Variants in PTBP1 observed in about 807,000 individuals in gnomAD.
The protein encoded by PTBP1 is polypyrimidine tract-binding protein 1.
Under a neutral mutation model 59.8 loss-of-function variants are expected in PTBP1, and 8 were observed. That is an observed-to-expected ratio of 0.13 (90% CI 0.08 to 0.24). The LOEUF (loss-of-function observed/expected upper bound fraction) is 0.24. Ranked by LOEUF, PTBP1 falls within the 10% of genes least tolerant of loss-of-function variation. The pLI is 1.00. For missense variants in PTBP1, 686 were observed against 767.0 expected, an observed-to-expected ratio of 0.89 and a Z score of 1.25; for synonymous variants, 490 against 320.7, an observed-to-expected ratio of 1.53 and a Z score of -5.64.
chr19:805,822 TC>T, intron 9 of PTBP1: 2 of 528,202 alleles, frequency 3.8e-6, no homozygotes, highest in South Asian at 2.1e-5. Flanking sequence ...GTGGTCTGGT[TC>T]CCTTCAAGCA....
chr19:801,974 T>C (rs544246420), intron 2 of PTBP1, among the ~76,000 whole-genome samples: 1 of 152,318 alleles, frequency 6.6e-6, no homozygotes, highest in African/African-American at 2.4e-5. Flanking sequence ...CTGGACACTG[T>C]TCATTCTCTG....
chr19:805,715 TC>T (rs944711197), intron 9 of PTBP1, 146 bp downstream of exon 9: 3 of 721,512 alleles, frequency 4.2e-6, no homozygotes, highest in Non-Finnish European at 7.3e-6. Flanking sequence ...GGACGCCACG[TC>T]CACAGAGCAG....
chr19:806,750 T>G (rs750723576), intron 10 of PTBP1, 194 bp downstream of exon 10: 19 of 510,194 alleles, frequency 3.7e-5, no homozygotes, highest in Middle Eastern at 4.9e-4. Context: ...TGAATTCACA[T>G]CTTGGTTCGC....
At chr19:810,395 C>T (rs189976283) in intron 13 of PTBP1, 148 bp from the exon 14 acceptor site, 2 of 629,676 alleles carry the variant, frequency 3.2e-6, no homozygotes, top group East Asian at 2.9e-5. Context: ...CCATTGTGGA[C>T]ATGATTTGAT....
In PTBP1 at chr19:812,287, A is replaced by C. The variant is rs540217903; in HGVS notation, c.*1461A>C. 1 of 155,872 alleles carries C rather than the reference A, an allele frequency of 6.4e-6. No individual in the cohort carries two copies. Among genetic ancestry groups the C allele is most frequent in the African/African-American group, 2.4e-5 (1 of 41,494 alleles). 9.7% of individuals were successfully genotyped at this position (155,872 alleles called of 1,614,324 possible). On this transcript the variant is annotated 3_prime_UTR_variant, in exon 15 of 15. Coordinates refer to ENST00000356948, the MANE Select transcript of PTBP1 (RefSeq NM_002819.5). ...GGCAGGTTGGCCAGTCTGTACCTGG[A>C]CTTCGAATAAATCTTCTGTATCCTC...
Position 810,585 on chromosome 19 carries a change from C to T in PTBP1, c.1506C>T (p.Ser502=). The T allele has an allele frequency of 1.2e-6, 2 of 1,613,802 alleles. No individual in the cohort carries two copies. Among genetic ancestry groups the T allele is most frequent in the Non-Finnish European group, 1.7e-6 (2 of 1,179,902 alleles). ...SEEDLKVLFS[S]NGGVVKGFKF... The stretch of plus-strand genomic sequence containing the variant: ...AGGATCTCAAGGTCCTGTTTTCCAG[C>T]AATGGGGGCGTCGTCAAAGGATTCA... Residue 502 remains serine, a synonymous_variant, in exon 14 of 15, where the codon AGC becomes AGT. Coordinates refer to ENST00000356948, the MANE Select transcript of PTBP1 (RefSeq NM_002819.5).
At chr19:797,868 C>T (rs944077256) in intron 1 of PTBP1, among the ~76,000 whole-genome samples, 1 of 148,868 alleles carries the variant, frequency 6.7e-6, no homozygotes, top group African/African-American at 2.4e-5. Context: ...CCGGATGGCC[C>T]TTCCCGCCTC....
intron 10 of PTBP1, chr19:807,551 C>G (rs1351369948): frequency 1.1e-5 from 4 of 372,086 alleles, no homozygotes; most frequent in Non-Finnish European, 1.4e-5. Context: ...TTTCTTTTCT[C>G]CCCTTCCCCT....
At chr19:802,215 C>T (rs895208603) in intron 2 of PTBP1, among the ~76,000 whole-genome samples, 3 of 152,208 alleles carry the variant, frequency 2.0e-5, no homozygotes, top group Non-Finnish European at 4.4e-5. Flanking sequence ...TCCCGAGGCT[C>T]TTGCCGTCCG....
chr19:803,785 A>C, intron 3 of PTBP1, 149 bp downstream of exon 3: 1 of 842,122 alleles, frequency 1.2e-6, no homozygotes, highest in South Asian at 1.7e-5. Flanking sequence ...CTCGCTGCAG[A>C]GAATTTCCAG....
rs1266449525 is a variant in PTBP1, at chr19:804,377, C to T, written c.374C>T (p.Pro125Leu). 1 of 1,612,944 alleles carries T rather than the reference C, an allele frequency of 6.2e-7. No individual in the cohort carries two copies. The highest frequency in any genetic ancestry group is 1.7e-5 in the Admixed American group (1 of 60,016). The part of the protein sequence containing the change: ...TSVTPVLRGQ[P>L]IYIQFSNHKE... ...GTGACCCCTGTGCTGCGCGGCCAGC[C>T]CATCTACATCCAGTTCTCCAACCAC... Residue 125 changes from proline (P) to leucine (L), a missense_variant, in exon 5 of 15, where the codon CCC becomes CTC. By Grantham distance (98) the Pro-to-Leu change is moderately conservative (BLOSUM62 -3). Coordinates refer to ENST00000356948, the MANE Select transcript of PTBP1 (RefSeq NM_002819.5).
intron 2 of PTBP1, among the ~76,000 whole-genome samples, chr19:802,436 G>T (rs1473646622): frequency 6.6e-6 from 1 of 150,876 alleles, no homozygotes; most frequent in African/African-American, 2.4e-5. Flanking sequence ...GCATGGGGGT[G>T]TGTGGAGCTG....
In PTBP1 at chr19:805,636, G is replaced by A. The variant is rs2034530312; in HGVS notation, c.970+67G>A. ...CCACACCACCTTCCCAGGCAGCTCC[G>A]CATCCACGGCGGCAGCCTGGGCGGA... is the stretch of plus-strand genomic sequence containing the variant. On this transcript the variant is annotated intron_variant, in intron 9 of 14. Coordinates refer to ENST00000356948, the MANE Select transcript of PTBP1 (RefSeq NM_002819.5). The A allele has an allele frequency of 1.2e-5, 16 of 1,371,962 alleles. No individual in the cohort carries two copies. In the South Asian group the frequency reaches 1.5e-4, roughly 13 times the overall value. The allele number at this position is 1,371,962 out of a possible 1,614,324, so 85.0% of individuals were successfully genotyped here.
At chr19:806,761 G>A (rs968790573) in intron 10 of PTBP1, 11 of 501,246 alleles carry the variant, frequency 2.2e-5, no homozygotes, top group Admixed American at 1.6e-4. Flanking sequence ...CTTGGTTCGC[G>A]TTTTCTCTTG....
chr19:810,730 C>G lies in PTBP1; in HGVS notation c.1578C>G (p.Ser526=). 6.2e-7 allele frequency: 1 copy of G among 1,609,378 alleles called. No homozygotes were observed. The highest frequency in any genetic ancestry group is 8.5e-7 in the Non-Finnish European group (1 of 1,178,622). Residue 526 remains serine (S), a synonymous_variant, in exon 15 of 15, where the codon TCC becomes TCG. Coordinates refer to ENST00000356948, the MANE Select transcript of PTBP1 (RefSeq NM_002819.5). ...AGATGGCACTGATCCAGATGGGCTC[C>G]GTGGAGGAGGCGGTCCAGGCCCTCA... The part of the protein sequence containing the change: ...DRKMALIQMG[S]VEEAVQALID...
At chr19:809,133 C>T (rs778621048) in intron 13 of PTBP1, among the ~76,000 whole-genome samples, 12 of 152,022 alleles carry the variant, frequency 7.9e-5, no homozygotes. Context: ...CTCAGCTTCC[C>T]GAGTAGCTGG....
At chr19:805,320 C>T in intron 8 of PTBP1, 133 bp downstream of exon 8, 4 of 1,239,238 alleles carry the variant, frequency 3.2e-6, no homozygotes, top group South Asian at 1.4e-5. Context: ...GCCAGCACAG[C>T]ACGGTCCAGT....
intron 2 of PTBP1, among the ~76,000 whole-genome samples, chr19:802,897 T>C (rs1417997872): frequency 6.6e-6 from 1 of 152,222 alleles, no homozygotes; most frequent in African/African-American, 2.4e-5. Context: ...TCAGAAGTGA[T>C]GGAGCCGCTG....
Position 808,616 on chromosome 19 carries a change from C to A in PTBP1, c.1317C>A (p.Asn439Lys). The A allele has an allele frequency of 6.2e-7, 1 of 1,610,240 alleles. No individual in the cohort carries two copies. The highest frequency in any genetic ancestry group is 8.5e-7 in the Non-Finnish European group (1 of 1,179,434). ...PIRITLSKHQ[N>K]VQLPREGQED... The stretch of plus-strand genomic sequence containing the variant: ...GCATCACGCTCTCGAAGCACCAGAA[C>A]GTGCAGCTGCCCCGCGAGGGCCAGG... Residue 439 changes from asparagine to lysine, a missense_variant, in exon 13 of 15, where the codon AAC (asparagine) becomes AAA (lysine). Transcript: ENST00000356948. The surrounding 1 kb of genome is among the most constrained non-coding windows in gnomAD (Gnocchi z 4.7).
Sources: gnomAD v4.1 joint callset for allele counts (sites outside exome capture counted in the v4.1 genomes callset) on GRCh38, gnomAD v4.1.1 for gene constraint, Gnocchi (gnomAD v3.1) non-coding constraint, MANE v1.5 for transcripts, NCBI Gene and HGNC (gene_info 2026-07-23, HGNC 2026-07-21) for gene names.